CORO1A: variants seen among roughly 807,000 people sequenced by gnomAD.
CORO1A encodes the protein coronin 1A.
CORO1A carries 17 observed loss-of-function variants against 44.1 expected under a neutral mutation model. That is an observed-to-expected ratio of 0.39 (90% CI 0.26 to 0.58). The LOEUF is 0.58. CORO1A is among the 20% of genes least tolerant of loss of function. The pLI, the probability that CORO1A is intolerant of heterozygous loss-of-function variation, is 0.62. For missense variants in CORO1A, 415 were observed against 606.5 expected, an observed-to-expected ratio of 0.68 and a Z score of 3.32; for synonymous variants, 271 against 244.2, an observed-to-expected ratio of 1.11 and a Z score of -1.02.
rs2073354742 is a variant in CORO1A, at chr16:30,187,474, T to C, written c.729T>C (p.Ser243=). 1.9e-6 allele frequency: 3 copies of C among 1,607,656 alleles called. No homozygotes were observed. The highest frequency in any genetic ancestry group is 2.5e-6 in the Non-Finnish European group (3 of 1,179,926). ...KILTTGFSRM[S]ERQVALWDTK... ...TGACCACGGGCTTCAGCCGCATGAG[T>C]GAGCGGCAGGTGGCGCTGTGGGACA... Residue 243 remains serine (S), a synonymous_variant, in exon 6 of 11, where the codon AGT becomes AGC. Coordinates refer to ENST00000219150, the MANE Select transcript of CORO1A (RefSeq NM_007074.4).
chr16:30,185,753 AG>A (rs1014417286), intron 2 of CORO1A: 3 of 352,572 alleles, frequency 8.5e-6, no homozygotes, highest in Non-Finnish European at 1.1e-5. Context: ...CAGCGTTCTC[AG>A]GGTTGGGAGG....
At chr16:30,188,608 TGGGA>T in intron 10 of CORO1A, 32 bp downstream of exon 10, 1 of 246,052 alleles carries the variant, frequency 4.1e-6, no homozygotes, top group Non-Finnish European at 7.8e-6. Flanking sequence ...GGAATAAAAC[TGGGA>T]GGGTGGGGTG....
At chr16:30,185,091 TG>T in intron 1 of CORO1A, 117 bp from the exon 2 acceptor site, 2 of 955,272 alleles carry the variant, frequency 2.1e-6, no homozygotes, top group Non-Finnish European at 3.3e-6. Flanking sequence ...AGGGAGCCCC[TG>T]GAGATGATGC....
rs1028173314 is a variant in CORO1A at position 30,188,397 on chromosome 16, G to C, written c.1102G>C (p.Ala368Pro). 7 of 1,613,686 alleles carry C rather than the reference G, an allele frequency of 4.3e-6. No individual in the cohort carries two copies. The East Asian group carries it at 1.6e-4, about 36-fold the overall frequency. ...CCAGGAGGACCTGTACCCACCCACCGCAGGGCCCGACCCTGCCCTCACGGC... is the reference window on the plus strand; with the variant it reads ...CCAGGAGGACCTGTACCCACCCACCCCAGGGCCCGACCCTGCCCTCACGGC... The part of the protein sequence containing the change: ...LFQEDLYPPT[A>P]GPDPALTAEE... Residue 368 changes from alanine (A) to proline (P), a missense_variant, in exon 10 of 11, where the codon GCA becomes CCA. Ala to Pro is a conservative substitution (Grantham distance 27). Around this residue, in one of 2 missense-constraint regions of CORO1A, gnomAD observed 325 missense variants for 521.7 expected, o/e 0.62. Coordinates refer to ENST00000219150, the MANE Select transcript of CORO1A (RefSeq NM_007074.4).
chr16:30,185,434 C>A, intron 2 of CORO1A, 27 bp downstream of exon 2: 1 of 1,597,880 alleles, frequency 6.3e-7, no homozygotes, highest in Non-Finnish European at 8.5e-7. Flanking sequence ...CTGGGGGGAG[C>A]AGCTCCTCCA....
Position 30,187,379 on chromosome 16 carries a change from C to A in CORO1A, c.637-3C>A. 6.2e-7 allele frequency: 1 copy of A among 1,610,470 alleles called. No individual in the cohort carries two copies. Among genetic ancestry groups the A allele is most frequent in the African/African-American group, 1.3e-5 (1 of 75,046 alleles). On this transcript the variant is annotated splice_polypyrimidine_tract_variant and splice_region_variant and intron_variant, in intron 5 of 10. Transcript: ENST00000219150. ...CTGACCTACCACCTCCCTTTCCTTG[C>A]AGGAGAAGGACCGTCCCCACGAGGG... is the stretch of plus-strand genomic sequence containing the variant.
chr16:30,187,285 G>A (rs1251315338), intron 5 of CORO1A, 62 bp downstream of exon 5: 1 of 1,604,886 alleles, frequency 6.2e-7, no homozygotes, highest in Non-Finnish European at 8.5e-7. Flanking sequence ...TCCACCATCA[G>A]CCAGGCCCTT....
chr16:30,187,127 C>T lies in CORO1A; in HGVS notation c.540C>T (p.Tyr180=), dbSNP rs369595327. The stretch of plus-strand genomic sequence containing the variant: ...CAGAGGTGCACCCAGACACGATCTA[C>T]AGTGTGGACTGGAGCCGAGATGGAG... The part of the protein sequence containing the change: ...LGPEVHPDTI[Y]SVDWSRDGGL... Residue 180 remains tyrosine, a synonymous_variant, in exon 5 of 11, where the codon TAC becomes TAT. Coordinates refer to ENST00000219150, the MANE Select transcript of CORO1A (RefSeq NM_007074.4). The T allele has an allele frequency of 3.1e-6, 5 of 1,614,106 alleles. No homozygotes were observed. The highest frequency in any genetic ancestry group is 1.3e-5 in the African/African-American group (1 of 75,044).
intron 9 of CORO1A, 35 bp downstream of exon 9, chr16:30,188,284 T>TG (rs2073368642): frequency 6.2e-7 from 1 of 1,613,102 alleles, no homozygotes; most frequent in Non-Finnish European, 8.5e-7. Flanking sequence ...GGCTCCAGGC[T>TG]GGGCACTGAC....
chr16:30,186,991 G>C (rs769250467), intron 4 of CORO1A, 46 bp downstream of exon 4: 3 of 1,613,132 alleles, frequency 1.9e-6, no homozygotes, highest in Admixed American at 1.7e-5. Flanking sequence ...GCCTGCAGTG[G>C]ATGAGGGCAG....
rs1307225924 is a variant in CORO1A at position 30,185,117 on chromosome 16, C to A, written c.-1-92C>A. On this transcript the variant is annotated intron_variant, in intron 1 of 10. Transcript: ENST00000219150. ...GGAGATGATGCTGGGACCTTAAAAG[C>A]CAGACTGAGGGGTGTCCTGGGGGAG... is the stretch of plus-strand genomic sequence containing the variant. 3 of 1,310,746 alleles carry A rather than the reference C, an allele frequency of 2.3e-6. No individual in the cohort carries two copies. The South Asian group carries it at 3.6e-5, about 16-fold the overall frequency. 81.2% of individuals were successfully genotyped at this position (1,310,746 alleles called of 1,614,324 possible). A position where few individuals can be genotyped will look rare whatever the true frequency, so the allele number is the denominator to read the frequency against.
At chr16:30,188,111 G>C in intron 8 of CORO1A, 24 bp downstream of exon 8, 2 of 1,613,502 alleles carry the variant, frequency 1.2e-6, no homozygotes, top group Non-Finnish European at 1.7e-6. Flanking sequence ...GGCCCTGACC[G>C]CAGCATGCTC....
chr16:30,187,865 G>GGGGGGGGGGGGGGGCCGGGGGGC, intron 7 of CORO1A, 36 bp downstream of exon 7: 1 of 513,340 alleles, frequency 1.9e-6, no homozygotes, highest in Non-Finnish European at 3.6e-6. Flanking sequence ...TGGGAGGTGG[G>GGGGGGGGGGGGGGGCCGGGGGGC]CAGGATGGGC....
At chr16:30,188,281 G>C in intron 9 of CORO1A, 32 bp downstream of exon 9, 2 of 1,613,406 alleles carry the variant, frequency 1.2e-6, no homozygotes, top group Non-Finnish European at 1.7e-6. Context: ...CTGGGCTCCA[G>C]GCTGGGCACT....
At chr16:30,187,287 C>CT (rs2073351359) in intron 5 of CORO1A, 64 bp downstream of exon 5, 1 of 1,605,016 alleles carries the variant, frequency 6.2e-7, no homozygotes, top group Non-Finnish European at 8.5e-7. Context: ...CACCATCAGC[C>CT]AGGCCCTTGG....
chr16:30,184,213 C>T lies in CORO1A; in HGVS notation c.-2+488C>T, dbSNP rs116307333. 2,416 of 152,316 alleles carry T rather than the reference C, an allele frequency of 0.016. 61 individuals are homozygous for T. The highest frequency in any genetic ancestry group is 0.055 in the African/African-American group (2,281 of 41,514). The allele number at this position is 152,316 out of a possible 1,614,324, so 9.4% of individuals were successfully genotyped here. A position where few individuals can be genotyped will look rare whatever the true frequency, so the allele number is the denominator to read the frequency against. On this transcript the variant is annotated intron_variant, in intron 1 of 10. Coordinates refer to ENST00000219150, the MANE Select transcript of CORO1A (RefSeq NM_007074.4). This position sits in a 1 kb window ranked among gnomAD's most constrained non-coding sequence, Gnocchi z 4.3. ...TGTCCCCCACCTCTGGTCCGGGGCT[C>T]CCCTCTCTCCAGATACAGGCTGCTC...
In CORO1A at chr16:30,183,667, C is replaced by G; in HGVS notation, c.-60C>G. ...CCGGCTCCTCCAGCTCCTTCCTCCTCTTCCTCCTCCTCCTCCACCTCCGGC... is the reference window on the plus strand; with the variant it reads ...CCGGCTCCTCCAGCTCCTTCCTCCTGTTCCTCCTCCTCCTCCACCTCCGGC... On this transcript the variant is annotated 5_prime_UTR_variant, in exon 1 of 11. Transcript: ENST00000219150. The surrounding 1 kb of genome is among the most constrained non-coding windows in gnomAD (Gnocchi z 5.0). 6.4e-6 allele frequency: 1 copy of G among 156,364 alleles called. No individual in the cohort carries two copies. Among genetic ancestry groups the G allele is most frequent in the Non-Finnish European group, 1.4e-5 (1 of 71,044 alleles). 9.7% of individuals were successfully genotyped at this position (156,364 alleles called of 1,614,324 possible). A position where few individuals can be genotyped will look rare whatever the true frequency, so the allele number is the denominator to read the frequency against.
chr16:30,187,292 C>T (rs1168165580), intron 5 of CORO1A, 69 bp downstream of exon 5: 7 of 1,604,696 alleles, frequency 4.4e-6, no homozygotes, highest in Non-Finnish European at 5.9e-6. Flanking sequence ...TCAGCCAGGC[C>T]CTTGGATGCT....
chr16:30,186,493 A>C, intron 2 of CORO1A, 105 bp from the exon 3 acceptor site: 1 of 1,332,796 alleles, frequency 7.5e-7, no homozygotes, highest in Non-Finnish European at 1.1e-6. Flanking sequence ...TCCAGCTCCC[A>C]GGGACACCAC....
Sources: gnomAD v4.1 joint callset for allele counts on GRCh38, gnomAD v4.1.1 for gene constraint, gnomAD v4.1.1 regional missense constraint, Gnocchi (gnomAD v3.1) non-coding constraint, MANE v1.5 for transcripts, NCBI Gene and HGNC (gene_info 2026-07-23, HGNC 2026-07-21) for gene names.